Variants in ACAD9 observed in about 807,000 individuals in gnomAD.
The protein encoded by ACAD9 is acyl-CoA dehydrogenase family member 9.
ACAD9 carries 53 observed loss-of-function variants against 70.2 expected under a neutral mutation model. The observed-to-expected ratio is 0.75, with a 90% CI of 0.61 to 0.95. The LOEUF is 0.95. Ranked by LOEUF, ACAD9 falls within the 40% of genes least tolerant of loss-of-function variation. ACAD9 has a pLI of 0.00. For synonymous variants in ACAD9, 313 were observed against 312.1 expected (o/e 1.00, Z -0.03); for missense variants, 777 against 802.8 (o/e 0.97, Z 0.39).
chr3:128,909,928 A>C (rs1936077946), intron 15 of ACAD9, 93 bp from the exon 16 acceptor site: 12 of 1,551,916 alleles, frequency 7.7e-6, no homozygotes, highest in Non-Finnish European at 1.8e-6. Flanking sequence ...GGAACACAGG[A>C]GACTAAGACA....
Position 128,880,061 on chromosome 3 carries a change from G to T in ACAD9, c.150+220G>T, listed in dbSNP as rs1182807294. On this transcript the variant is annotated intron_variant, in intron 1 of 17. Coordinates refer to ENST00000308982, the MANE Select transcript of ACAD9 (RefSeq NM_014049.5). ...GGGGGACCCTTGGAAATGTGGTGGTGACGTGTTCCAGCTAAATTTTGTCAG... is the reference window on the plus strand; with the variant it reads ...GGGGGACCCTTGGAAATGTGGTGGTTACGTGTTCCAGCTAAATTTTGTCAG... 3.3e-6 allele frequency: 5 copies of T among 1,511,020 alleles called. No individual in the cohort carries two copies. In the South Asian group the frequency reaches 3.6e-5, roughly 11 times the overall value. 93.6% of individuals were successfully genotyped at this position (1,511,020 alleles called of 1,614,324 possible).
rs760481801 is a variant in ACAD9 at position 128,898,376 on chromosome 3, G to T, written c.633+666G>T. On this transcript the variant is annotated intron_variant, in intron 6 of 17. Transcript: ENST00000308982. ...TTTGTTTTTTAATAAACACAAAGCC[G>T]TAATACCCTTATCACATTTTAAAAA... 6.4e-5 allele frequency: 29 copies of T among 450,094 alleles called. 1 individual carries two copies. The highest frequency in any genetic ancestry group is 4.4e-4 in the South Asian group (28 of 63,638). The allele number at this position is 450,094 out of a possible 1,614,324, so 27.9% of individuals were successfully genotyped here. A position where few individuals can be genotyped will look rare whatever the true frequency, so the allele number is the denominator to read the frequency against.
chr3:128,900,141 A>T (rs1935692953), intron 7 of ACAD9, among the ~76,000 whole-genome samples: 1 of 152,202 alleles, frequency 6.6e-6, no homozygotes, highest in Non-Finnish European at 1.5e-5. Flanking sequence ...CATGTTGCCC[A>T]GACTTGTCTT....
rs944789519 is a variant in ACAD9, at chr3:128,879,724, G to A, written c.33G>A (p.Thr11=). ...GCTGCGGGCTCTTCCTGCGCACCAC[G>A]GCTGCGGCTCGTGCCTGCCGGGGTC... MSGCGLFLRT[T]AAARACRGLV... is the part of the protein sequence containing the mutation. Residue 11 remains threonine, a synonymous_variant, in exon 1 of 18, where the codon ACG becomes ACA. Coordinates refer to ENST00000308982, the MANE Select transcript of ACAD9 (RefSeq NM_014049.5). 3.1e-6 allele frequency: 5 copies of A among 1,612,924 alleles called. No homozygotes were observed. Among genetic ancestry groups the A allele is most frequent in the South Asian group, 1.1e-5 (1 of 91,040 alleles).
intron 17 of ACAD9, among the ~76,000 whole-genome samples, chr3:128,911,436 T>C (rs1281057022): frequency 6.6e-6 from 1 of 151,944 alleles, no homozygotes; most frequent in East Asian, 2.0e-4. Flanking sequence ...TGCCTGGCTG[T>C]ATTCTCTTTT....
chr3:128,908,890 T>C, intron 13 of ACAD9, 83 bp from the exon 14 acceptor site: 1 of 1,609,176 alleles, frequency 6.2e-7, no homozygotes, highest in Non-Finnish European at 8.5e-7. Flanking sequence ...GCACGGAGCT[T>C]CTGGGTGCCG....
At chr3:128,900,627 T>C (rs1370301516) in intron 7 of ACAD9, among the ~76,000 whole-genome samples, 1 of 151,016 alleles carries the variant, frequency 6.6e-6, no homozygotes, top group East Asian at 2.0e-4. Context: ...CCTCCCAAAA[T>C]GCTGGGATTA....
In ACAD9 at chr3:128,897,193, G is replaced by A. The variant is rs142015014; in HGVS notation, c.555-439G>A. ...TGCCTGTTTTTTATAAATAAGTTTT[G>A]TTTGTTTGTTTTTGAGACAGGGTCT... On this transcript the variant is annotated intron_variant, in intron 5 of 17. Coordinates refer to ENST00000308982, the MANE Select transcript of ACAD9 (RefSeq NM_014049.5). Among the ~76,000 whole-genome samples the A allele has an allele frequency of 1.0e-3, 155 of 152,178 alleles. 2 individuals carry two copies. In the East Asian group the frequency reaches 0.025, roughly 24 times the overall value.
chr3:128,912,349 G>A (rs1308911352), intron 17 of ACAD9, among the ~76,000 whole-genome samples, 158 bp from the exon 18 acceptor site: 1 of 152,150 alleles, frequency 6.6e-6, no homozygotes, highest in Non-Finnish European at 1.5e-5. Context: ...TCTCCCTGCA[G>A]CCCTGAATCA....
At position 128,899,478 on chromosome 3, in the gene ACAD9, CGCGCGT is replaced by C. The variant is rs764450180; in HGVS notation, c.808+25_808+30del. 10 of 1,611,944 alleles carry C rather than the reference CGCGCGT, an allele frequency of 6.2e-6. No homozygotes were observed. In the East Asian group the frequency reaches 1.8e-4, roughly 29 times the overall value. ...GCTCCAACAGTAAGTAGCTCCTGTG[CGCGCGT>C]GCGCGTGTGTGTGTGTAAGGGGGAG... On this transcript the variant is annotated intron_variant, in intron 7 of 17. Coordinates refer to ENST00000308982, the MANE Select transcript of ACAD9 (RefSeq NM_014049.5).
chr3:128,911,545 C>T (rs1300694602), intron 17 of ACAD9, among the ~76,000 whole-genome samples: 1 of 152,220 alleles, frequency 6.6e-6, no homozygotes, highest in Non-Finnish European at 1.5e-5. Flanking sequence ...TCAAGCAACT[C>T]CTGTGCCTCA....
At position 128,899,523 on chromosome 3, in the gene ACAD9, G is replaced by C. The variant is rs2340466; in HGVS notation, c.808+62G>C. On this transcript the variant is annotated intron_variant, in intron 7 of 17. Transcript: ENST00000308982. ...TGTAAGGGGGAGACTGGCCTTTGAC[G>C]GTGTGTGTGTGTGTGTGTGTGTGTG... 5.3e-4 allele frequency: 563 copies of C among 1,068,822 alleles called. 6 individuals carry two copies. In the African/African-American group the frequency reaches 7.5e-3, roughly 14 times the overall value. 66.2% of individuals were successfully genotyped at this position (1,068,822 alleles called of 1,614,324 possible). A position where few individuals can be genotyped will look rare whatever the true frequency, so the allele number is the denominator to read the frequency against.
chr3:128,897,764 C>T (rs1444970121), intron 6 of ACAD9, 54 bp downstream of exon 6: 1 of 1,497,958 alleles, frequency 6.7e-7, no homozygotes, highest in Non-Finnish European at 9.2e-7. Context: ...CCTTCACTGC[C>T]ACTGAGTGAG....
At position 128,879,810 on chromosome 3, in the gene ACAD9, C is replaced by G; in HGVS notation, c.119C>G (p.Ala40Gly). The G allele has an allele frequency of 1.2e-6, 2 of 1,614,082 alleles. No individual in the cohort carries two copies. Among genetic ancestry groups the G allele is most frequent in the South Asian group, 2.2e-5 (2 of 91,084 alleles). Reference sequence around the variant, plus strand: ...ACCAGCCCGCCTGTACGAGCTTTCGCCAAAGAGCTTTTCCTAGGCAAAATC... The same window carrying G: ...ACCAGCCCGCCTGTACGAGCTTTCGGCAAAGAGCTTTTCCTAGGCAAAATC... Reference protein sequence around the residue: ...LRTSPPVRAFAKELFLGKIKK... With the variant: ...LRTSPPVRAFGKELFLGKIKK... The change falls in exon 1 of 18, where the codon GCC becomes GGC. Residue 40 changes from alanine (A) to glycine (G), a missense_variant. Coordinates refer to ENST00000308982, the MANE Select transcript of ACAD9 (RefSeq NM_014049.5).
Position 128,902,712 on chromosome 3 carries a change from C to A in ACAD9, c.958+84C>A. On this transcript the variant is annotated intron_variant, in intron 9 of 17. Transcript: ENST00000308982. The surrounding 1 kb of genome is among the most constrained non-coding windows in gnomAD (Gnocchi z 4.0). ...CCTGGAGGCTCTGCCATTCCCCCGG[C>A]CCCTTCCAGGCCAGTGCTGAACCAG... The A allele has an allele frequency of 1.4e-6, 2 of 1,471,616 alleles. No homozygotes were observed. Among genetic ancestry groups the A allele is most frequent in the Non-Finnish European group, 1.9e-6 (2 of 1,068,302 alleles). The allele number at this position is 1,471,616 out of a possible 1,614,324, so 91.2% of individuals were successfully genotyped here.
At chr3:128,906,097 A>G in intron 11 of ACAD9, 24 bp from the exon 12 acceptor site, 1 of 1,614,028 alleles carries the variant, frequency 6.2e-7, no homozygotes. Flanking sequence ...CCTTTTGGAA[A>G]GGATTCAGTG....
At chr3:128,883,219 A>G (rs1361229369) in intron 1 of ACAD9, among the ~76,000 whole-genome samples, 3 of 151,894 alleles carry the variant, frequency 2.0e-5, no homozygotes, top group African/African-American at 7.3e-5. Flanking sequence ...CCTCCTGAGT[A>G]GCTGGAACTA....
intron 17 of ACAD9, 39 bp from the exon 18 acceptor site, chr3:128,912,468 G>A (rs1168211127): frequency 2.5e-6 from 4 of 1,572,430 alleles, no homozygotes; most frequent in Non-Finnish European, 3.5e-6. Context: ...TTATCACGGT[G>A]CAGAAAGATC....
chr3:128,906,989 CAT>C (rs1416713466), intron 12 of ACAD9, among the ~76,000 whole-genome samples: 1 of 152,056 alleles, frequency 6.6e-6, no homozygotes, highest in Non-Finnish European at 1.5e-5. Context: ...GGACGGGGCT[CAT>C]GTGGAGAGTG....
Sources: gnomAD v4.1 joint callset for allele counts (sites outside exome capture counted in the v4.1 genomes callset) on GRCh38, gnomAD v4.1.1 for gene constraint, Gnocchi (gnomAD v3.1) non-coding constraint, MANE v1.5 for transcripts, NCBI Gene and HGNC (gene_info 2026-07-23, HGNC 2026-07-21) for gene names.